Variants in RNF139 observed in about 807,000 individuals in gnomAD.
RNF139 encodes the protein E3 ubiquitin-protein ligase RNF139.
A neutral mutation model predicts 49.5 loss-of-function variants in RNF139; 15 were observed. That is an observed-to-expected ratio of 0.30 (90% CI 0.20 to 0.47). The LOEUF (loss-of-function observed/expected upper bound fraction) is 0.47, where lower values mean the gene tolerates loss of function less well. Ranked by LOEUF, RNF139 falls within the 20% of genes least tolerant of loss-of-function variation. The probability of loss-of-function intolerance (pLI) is 1.00; values close to 1 mark genes in which losing one functional copy is unlikely to be tolerated. For missense variants in RNF139, 619 were observed against 806.3 expected (o/e 0.77, Z 2.81); for synonymous variants, 325 against 300.9 (o/e 1.08, Z -0.83).
intron 1 of RNF139, among the ~76,000 whole-genome samples, chr8:124,477,822 A>G (rs1405352012): frequency 6.6e-6 from 1 of 152,190 alleles, no homozygotes; most frequent in Admixed American, 6.5e-5. Context: ...TTTTAATAGT[A>G]TTACTAATAT....
rs1394090754 is a variant in RNF139 at position 124,483,046 on chromosome 8, A to AAT, written c.182-2780_182-2779dup. On this transcript the variant is annotated intron_variant, in intron 1 of 1. Transcript: ENST00000303545. Reference sequence around the variant, plus strand: ...ATATTTAAATATATATATATTTAAAAATATATCTATTAAAAATATATATAT... The same window carrying AAT: ...ATATTTAAATATATATATATTTAAAAATATATATCTATTAAAAATATATATAT... Among the ~76,000 whole-genome samples the AAT allele has an allele frequency of 2.3e-4, 5 of 21,352 alleles. 1 individual carries two copies. Among genetic ancestry groups the AAT allele is most frequent in the Non-Finnish European group, 4.3e-4 (5 of 11,738 alleles). 14.0% of individuals were successfully genotyped at this position (21,352 alleles called of 152,430 possible).
At chr8:124,478,650 A>G (rs1429534063) in intron 1 of RNF139, among the ~76,000 whole-genome samples, 1 of 151,752 alleles carries the variant, frequency 6.6e-6, no homozygotes. Flanking sequence ...ATTGGTGAAG[A>G]GTTCAAAGTT....
At position 124,487,029 on chromosome 8, in the gene RNF139, T is replaced by C. The variant is rs1272384710; in HGVS notation, c.1380T>C (p.Tyr460=). ...TCCTCTGGGAAAAGCTTGACGATTA[T>C]GTCTACTACGTTCGTTCAACAGGCA... ...YNVLWEKLDD[Y]VYYVRSTGSI... The change falls in exon 2 of 2, where the codon TAT becomes TAC. Residue 460 remains tyrosine (Y), a synonymous_variant. Coordinates refer to ENST00000303545, the MANE Select transcript of RNF139 (RefSeq NM_007218.4). The C allele has an allele frequency of 6.2e-7, 1 of 1,614,162 alleles. No homozygotes were observed. Among genetic ancestry groups the C allele is most frequent in the Non-Finnish European group, 8.5e-7 (1 of 1,180,022 alleles).
At chr8:124,478,213 A>C (rs887946994) in intron 1 of RNF139, among the ~76,000 whole-genome samples, 5 of 152,084 alleles carry the variant, frequency 3.3e-5, no homozygotes, top group African/African-American at 1.2e-4. Flanking sequence ...AGCAATTCAC[A>C]ATAAACAAAA....
intron 1 of RNF139, among the ~76,000 whole-genome samples, chr8:124,481,216 G>A (rs1356974883): frequency 1.3e-5 from 2 of 151,950 alleles, no homozygotes; most frequent in African/African-American, 4.8e-5. Flanking sequence ...ACTTCATTGC[G>A]GAAGGCTCCC....
intron 1 of RNF139, 111 bp from the exon 2 acceptor site, chr8:124,485,720 A>G (rs1163392064): frequency 3.1e-6 from 3 of 969,012 alleles, no homozygotes; most frequent in African/African-American, 3.3e-5. Context: ...CTTAATGTTC[A>G]TAACTGAAAA....
Position 124,474,911 on chromosome 8 carries a change from C to T in RNF139, c.-199C>T, listed in dbSNP as rs1284925824. On this transcript the variant is annotated 5_prime_UTR_variant, in exon 1 of 2. Transcript: ENST00000303545. This position sits in a 1 kb window ranked among gnomAD's most constrained non-coding sequence, Gnocchi z 4.6. ...CTCCTGGGGAGCCGCCGCCGCCGCC[C>T]TCTCGGCCATCGCTGCCTCCGCCGC... is the stretch of plus-strand genomic sequence containing the variant. 2 of 327,102 alleles carry T rather than the reference C, an allele frequency of 6.1e-6. No individual in the cohort carries two copies. The highest frequency in any genetic ancestry group is 1.1e-5 in the Non-Finnish European group (2 of 184,966). 20.3% of individuals were successfully genotyped at this position (327,102 alleles called of 1,614,324 possible). A position where few individuals can be genotyped will look rare whatever the true frequency, so the allele number is the denominator to read the frequency against.
At position 124,487,363 on chromosome 8, in the gene RNF139, C is replaced by A; in HGVS notation, c.1714C>A (p.Leu572Ile). Residue 572 changes from leucine (L) to isoleucine (I), a missense_variant, in exon 2 of 2, where the codon CTT (leucine) becomes ATT (isoleucine). Physicochemically the swap from Leu to Ile is conservative, Grantham distance 5. Around this residue, in one of 2 missense-constraint regions of RNF139, gnomAD observed 530 missense variants for 728.9 expected, o/e 0.73. Coordinates refer to ENST00000303545, the MANE Select transcript of RNF139 (RefSeq NM_007218.4). ...TAATCATTATTTCCATGCACTTTGC[C>A]TTCGGAAATGGCTGTACATTCAAGA... ...PCNHYFHALCLRKWLYIQDTC... is the reference protein window; with the variant it reads ...PCNHYFHALCIRKWLYIQDTC... The A allele has an allele frequency of 6.2e-7, 1 of 1,614,144 alleles. No homozygotes were observed. Among genetic ancestry groups the A allele is most frequent in the Non-Finnish European group, 8.5e-7 (1 of 1,180,018 alleles).
chr8:124,487,013 A>G lies in RNF139; in HGVS notation c.1364A>G (p.Glu455Gly). 1 of 1,614,064 alleles carries G rather than the reference A, an allele frequency of 6.2e-7. No individual in the cohort carries two copies. The highest frequency in any genetic ancestry group is 1.1e-5 in the South Asian group (1 of 91,084). The change falls in exon 2 of 2, where the codon GAA becomes GGA. Residue 455 changes from glutamate to glycine, a missense_variant. Glu to Gly is a moderately conservative substitution (Grantham distance 98, BLOSUM62 -2). Transcript: ENST00000303545. ...GATGGCTACTATAATGTCCTCTGGG[A>G]AAAGCTTGACGATTATGTCTACTAC... ...MIDGYYNVLWEKLDDYVYYVR... is the reference protein window; with the variant it reads ...MIDGYYNVLWGKLDDYVYYVR...
Position 124,488,262 on chromosome 8 carries a change from A to G in RNF139, c.*618A>G, listed in dbSNP as rs1041854304. The stretch of plus-strand genomic sequence containing the variant: ...CTGTATCAACTAAACTTTGATATAA[A>G]CCAGAATGTGCTAAATGTTTTTTAT... On this transcript the variant is annotated 3_prime_UTR_variant, in exon 2 of 2. Transcript: ENST00000303545. Among the ~76,000 whole-genome samples, 3 of 152,230 alleles carry G rather than the reference A, an allele frequency of 2.0e-5. No homozygotes were observed. The highest frequency in any genetic ancestry group is 4.4e-5 in the Non-Finnish European group (3 of 68,036).
chr8:124,475,235 G>T lies in RNF139; in HGVS notation c.126G>T (p.Pro42=), dbSNP rs968308386. The T allele has an allele frequency of 1.2e-6, 2 of 1,610,018 alleles. No homozygotes were observed. The highest frequency in any genetic ancestry group is 1.7e-6 in the Non-Finnish European group (2 of 1,177,594). The part of the protein sequence containing the change: ...YIIDAIFNSY[P]DSSQSRFCIV... ...TCGACGCCATCTTCAACTCCTACCC[G>T]GATTCCAGCCAAAGCCGGTTCTGCA... Residue 42 remains proline (P), a synonymous_variant, in exon 1 of 2, where the codon CCG becomes CCT. Coordinates refer to ENST00000303545, the MANE Select transcript of RNF139 (RefSeq NM_007218.4).
At chr8:124,482,034 T>C (rs1196760283) in intron 1 of RNF139, among the ~76,000 whole-genome samples, 3 of 152,082 alleles carry the variant, frequency 2.0e-5, no homozygotes, top group East Asian at 1.9e-4. Context: ...AACAAACATA[T>C]ACTATTCTTG....
intron 1 of RNF139, among the ~76,000 whole-genome samples, chr8:124,483,125 T>TAAATATATATATATTA (rs1816477721): frequency 8.7e-6 from 1 of 115,132 alleles, no homozygotes; most frequent in African/African-American, 3.4e-5. Context: ...TATATATATT[T>TAAATATATATATATTA]AAAAGAGCCT....
In RNF139 at chr8:124,488,352, CTT is replaced by C; in HGVS notation, c.*711_*712del. The C allele has an allele frequency of 3.6e-6, 1 of 278,452 alleles. No homozygotes were observed. The highest frequency in any genetic ancestry group is 6.7e-6 in the Non-Finnish European group (1 of 148,398). 17.2% of individuals were successfully genotyped at this position (278,452 alleles called of 1,614,324 possible). ...ATTGTCATAAAATTGTCCTTTCATT[CTT>C]TTGAAGATATTACAAAACAAAAATA... On this transcript the variant is annotated 3_prime_UTR_variant, in exon 2 of 2. Transcript: ENST00000303545.
intron 1 of RNF139, among the ~76,000 whole-genome samples, chr8:124,482,935 T>A (rs143131727): frequency 0.041 from 3,267 of 79,458 alleles, 153 homozygotes; most frequent in South Asian, 0.21. Flanking sequence ...AAAAAAAATA[T>A]AAAAAAAAAT....
At position 124,475,260 on chromosome 8, in the gene RNF139, A is replaced by G. The variant is rs1816294084; in HGVS notation, c.151A>G (p.Ile51Val). Reference protein sequence around the residue: ...YPDSSQSRFCIVLQIFLRLFG... With the variant: ...YPDSSQSRFCVVLQIFLRLFG... ...GGATTCCAGCCAAAGCCGGTTCTGC[A>G]TCGTGCTCCAGATCTTCCTCCGGCT... Residue 51 changes from isoleucine to valine, a missense_variant, in exon 1 of 2, where the codon ATC becomes GTC. Coordinates refer to ENST00000303545, the MANE Select transcript of RNF139 (RefSeq NM_007218.4). 1.2e-6 allele frequency: 2 copies of G among 1,613,418 alleles called. No homozygotes were observed. The highest frequency in any genetic ancestry group is 2.2e-5 in the East Asian group (1 of 44,746).
At chr8:124,484,276 T>C (rs1322590577) in intron 1 of RNF139, among the ~76,000 whole-genome samples, 1 of 152,194 alleles carries the variant, frequency 6.6e-6, no homozygotes, top group East Asian at 1.9e-4. Flanking sequence ...GGTTCTTGAA[T>C]GCCAGGAGCA....
chr8:124,484,647 T>G (rs928249317), intron 1 of RNF139, among the ~76,000 whole-genome samples: 22 of 152,226 alleles, frequency 1.4e-4, no homozygotes, highest in African/African-American at 4.3e-4. Context: ...AGTATTCAGA[T>G]GTCATTCCCA....
intron 1 of RNF139, among the ~76,000 whole-genome samples, chr8:124,483,025 TTAAA>T (rs1816461292): frequency 1.1e-5 from 1 of 93,944 alleles, no homozygotes; most frequent in Non-Finnish European, 1.9e-5. Flanking sequence ...ATATATATAT[TTAAA>T]TATATATATA....
Sources: allele counts gnomAD v4.1 joint callset (sites outside exome capture counted in the v4.1 genomes callset), GRCh38; gene constraint gnomAD v4.1.1; regional missense constraint gnomAD v4.1.1; non-coding constraint Gnocchi (gnomAD v3.1); transcripts MANE v1.5; gene names NCBI Gene and HGNC (gene_info 2026-07-23, HGNC 2026-07-21).